The following PIWIL2 variants were observed in gnomAD, a reference collection of about 807,000 sequenced individuals.
PIWIL2 encodes the protein piwi like RNA-mediated gene silencing 2.
A neutral mutation model predicts 116.5 loss-of-function variants in PIWIL2; 81 were observed. That is an observed-to-expected ratio of 0.70 (90% CI 0.58 to 0.84). The LOEUF is 0.84. PIWIL2 is among the 40% of genes least tolerant of loss of function. The pLI, the probability that PIWIL2 is intolerant of heterozygous loss-of-function variation, is 0.00. For missense variants in PIWIL2, 1,272 were observed against 1,212.3 expected, an observed-to-expected ratio of 1.05 and a Z score of -0.73; for synonymous variants, 489 against 429.5, an observed-to-expected ratio of 1.14 and a Z score of -1.71.
At chr8:22,307,791 T>C (rs566805982) in intron 13 of PIWIL2, 142 bp from the exon 14 acceptor site, 10 of 612,522 alleles carry the variant, frequency 1.6e-5, no homozygotes, top group East Asian at 1.1e-4. Flanking sequence ...CTAAGAGATA[T>C]ATTTAATAAG....
chr8:22,319,594 G>A (rs1364486647), intron 20 of PIWIL2, among the ~76,000 whole-genome samples: 1 of 152,186 alleles, frequency 6.6e-6, no homozygotes, highest in Non-Finnish European at 1.5e-5. Context: ...AAATTACCCT[G>A]AAACTTAGTG....
chr8:22,352,366 C>T (rs986338571), intron 20 of PIWIL2, among the ~76,000 whole-genome samples: 1 of 152,232 alleles, frequency 6.6e-6, no homozygotes, highest in African/African-American at 2.4e-5. Flanking sequence ...ATAGACAATT[C>T]ACATAGCTAG....
At chr8:22,334,519 C>CAAAAA (rs71544878) in intron 20 of PIWIL2, among the ~76,000 whole-genome samples, 2 of 132,274 alleles carry the variant, frequency 1.5e-5, no homozygotes, top group African/African-American at 3.1e-5. Context: ...GAGTCCGTCT[C>CAAAAA]AAAAAAAAAA....
At chr8:22,325,564 A>G (rs1040449180) in intron 20 of PIWIL2, among the ~76,000 whole-genome samples, 3 of 141,630 alleles carry the variant, frequency 2.1e-5, no homozygotes, top group African/African-American at 7.7e-5. Context: ...ATTCACTGCA[A>G]CCTCCACCTC....
chr8:22,337,541 A>G (rs1832007304), intron 20 of PIWIL2, among the ~76,000 whole-genome samples: 2 of 151,304 alleles, frequency 1.3e-5, no homozygotes, highest in Admixed American at 6.6e-5. Context: ...CAGCCTGACT[A>G]ACATGGTGAA....
At chr8:22,338,227 G>A (rs1167301146) in intron 20 of PIWIL2, among the ~76,000 whole-genome samples, 1 of 152,194 alleles carries the variant, frequency 6.6e-6, no homozygotes, top group African/African-American at 2.4e-5. Context: ...CAGTTTGTGT[G>A]ATTATGTAGA....
At position 22,307,973 on chromosome 8, in the gene PIWIL2, A is replaced by G. The variant is rs1831227580; in HGVS notation, c.1586A>G (p.His529Arg). 1.9e-6 allele frequency: 3 copies of G among 1,612,984 alleles called. No individual in the cohort carries two copies. The highest frequency in any genetic ancestry group is 1.7e-6 in the Non-Finnish European group (2 of 1,179,394). The change falls in exon 14 of 23, where the codon CAT becomes CGT. Residue 529 changes from histidine (H) to arginine (R), a missense_variant. Coordinates refer to ENST00000356766, the MANE Select transcript of PIWIL2 (RefSeq NM_018068.5). ...QQINLSPKQH[H>R]SALECLLQRI... ...ATCAATCTGAGCCCCAAGCAACACC[A>G]TAGTGCTTTGGAATGCTTGCTGCAA... is the stretch of plus-strand genomic sequence containing the variant.
At chr8:22,293,197 G>A (rs555752510) in intron 10 of PIWIL2, among the ~76,000 whole-genome samples, 40 of 152,136 alleles carry the variant, frequency 2.6e-4, no homozygotes, top group Non-Finnish European at 3.4e-4. Flanking sequence ...ATAATCCAGC[G>A]CTTTGGGAGG....
At chr8:22,323,003 G>A (rs767173771) in intron 20 of PIWIL2, among the ~76,000 whole-genome samples, 2 of 151,050 alleles carry the variant, frequency 1.3e-5, no homozygotes, top group African/African-American at 2.4e-5. Flanking sequence ...TGCAACTTCC[G>A]CCTCCCCGGT....
intron 20 of PIWIL2, among the ~76,000 whole-genome samples, chr8:22,326,149 C>T (rs941220751): frequency 6.6e-6 from 1 of 152,020 alleles, no homozygotes; most frequent in African/African-American, 2.4e-5. Context: ...CCAGAGTTCC[C>T]CTCGCCTTCC....
At position 22,281,358 on chromosome 8, in the gene PIWIL2, G is replaced by A; in HGVS notation, c.287-19G>A. The A allele has an allele frequency of 1.2e-6, 2 of 1,604,578 alleles. No individual in the cohort carries two copies. Among genetic ancestry groups the A allele is most frequent in the Non-Finnish European group, 8.5e-7 (1 of 1,177,784 alleles). On this transcript the variant is annotated intron_variant, in intron 3 of 22. Transcript: ENST00000356766. ...CGTTTAAGTCATAGTCATTGCTGGG[G>A]TTCGGTTCTTTCTTTCAGGTAGAGG...
At chr8:22,317,391 A>AACAC (rs145205763) in intron 19 of PIWIL2, among the ~76,000 whole-genome samples, 8 of 151,768 alleles carry the variant, frequency 5.3e-5, no homozygotes, top group Non-Finnish European at 7.4e-5. Flanking sequence ...ATATCTCTGA[A>AACAC]ACACACACAC....
chr8:22,300,129 C>T (rs575189092), intron 10 of PIWIL2, among the ~76,000 whole-genome samples: 2 of 152,074 alleles, frequency 1.3e-5, no homozygotes, highest in African/African-American at 4.8e-5. Context: ...TGGGACCTCA[C>T]TATGTTGCCC....
At chr8:22,313,182 G>A (rs1831373977) in intron 16 of PIWIL2, among the ~76,000 whole-genome samples, 1 of 152,160 alleles carries the variant, frequency 6.6e-6, no homozygotes, top group Non-Finnish European at 1.5e-5. Flanking sequence ...TAGCGGCCTT[G>A]CTCTGTCTGT....
At chr8:22,343,599 A>T (rs1381256412) in intron 20 of PIWIL2, among the ~76,000 whole-genome samples, 1 of 152,232 alleles carries the variant, frequency 6.6e-6, no homozygotes, top group African/African-American at 2.4e-5. Flanking sequence ...CTCCGTCTCA[A>T]AAATAGGTAG....
At chr8:22,303,699 A>G (rs796855849) in intron 10 of PIWIL2, among the ~76,000 whole-genome samples, 17 of 152,164 alleles carry the variant, frequency 1.1e-4, no homozygotes, top group African/African-American at 2.6e-4. Context: ...TGGTAGGCCT[A>G]TATTCTCTTA....
At chr8:22,299,636 A>G (rs186592682) in intron 10 of PIWIL2, among the ~76,000 whole-genome samples, 68 of 152,288 alleles carry the variant, frequency 4.5e-4, no homozygotes, top group African/African-American at 1.6e-3. Context: ...TAAAGGTACA[A>G]TTGACATCCG....
In PIWIL2 at chr8:22,315,063, G is replaced by A. The variant is rs1831423937; in HGVS notation, c.2126G>A (p.Arg709Lys). The part of the protein sequence containing the change: ...VNVRTIGQPT[R>K]LRSVAQKILL... Reference sequence around the variant, plus strand: ...GTTCGAACCATTGGTCAGCCCACCAGGCTTCGGAGTGTGGCCCAGAAGATT... The same window carrying A: ...GTTCGAACCATTGGTCAGCCCACCAAGCTTCGGAGTGTGGCCCAGAAGATT... The change falls in exon 18 of 23, where the codon AGG becomes AAG. Residue 709 changes from arginine (R) to lysine (K), a missense_variant. By Grantham distance (26) the Arg-to-Lys change is conservative. Transcript: ENST00000356766. 1.9e-6 allele frequency: 3 copies of A among 1,613,668 alleles called. No individual in the cohort carries two copies. The highest frequency in any genetic ancestry group is 2.7e-5 in the African/African-American group (2 of 74,898).
chr8:22,288,521 C>T, intron 7 of PIWIL2, 21 bp from the exon 8 acceptor site: 1 of 1,602,852 alleles, frequency 6.2e-7, no homozygotes, highest in Non-Finnish European at 8.5e-7. Flanking sequence ...TTTGTTTCAC[C>T]TGTGTGTATT....
Sources: allele counts gnomAD v4.1 joint callset (sites outside exome capture counted in the v4.1 genomes callset), GRCh38; gene constraint gnomAD v4.1.1; transcripts MANE v1.5; gene names NCBI Gene and HGNC (gene_info 2026-07-23, HGNC 2026-07-21).